LANCL1: variants seen among roughly 807,000 people sequenced by gnomAD.
The protein encoded by LANCL1 is glutathione S-transferase LANCL1.
In LANCL1, 50 loss-of-function variants were observed where a neutral mutation model predicts 50.6. The observed-to-expected ratio is 0.99, with a 90% CI of 0.79 to 1.25. The LOEUF (loss-of-function observed/expected upper bound fraction) is 1.25, where lower values mean the gene tolerates loss of function less well. LANCL1 is among the 50% of genes most tolerant of loss of function. The pLI, the probability that LANCL1 is intolerant of heterozygous loss-of-function variation, is 0.00. For missense variants in LANCL1, 532 were observed against 480.7 expected (o/e 1.11, Z -1.00); for synonymous variants, 188 against 178.6 (o/e 1.05, Z -0.42).
intron 6 of LANCL1, among the ~76,000 whole-genome samples, chr2:210,438,501 A>G (rs377705164): frequency 6.6e-6 from 1 of 152,224 alleles, no homozygotes; most frequent in Admixed American, 6.5e-5. Context: ...TCCTAAGTCA[A>G]TGCCTATGAA....
rs956523857 is a variant in LANCL1 at position 210,441,372 on chromosome 2, T to C, written c.479A>G (p.Tyr160Cys). ...EMLYGRIGYI[Y>C]ALLFVNKNFG... ...GTTCTTATTGACAAAAAGAAGAGCATAGATGTAGCCTATTCGCCCATAGAG... is the reference window on the plus strand; with the variant it reads ...GTTCTTATTGACAAAAAGAAGAGCACAGATGTAGCCTATTCGCCCATAGAG... The change falls in exon 5 of 10, where the codon TAT (tyrosine) becomes TGT (cysteine). Residue 160 changes from tyrosine to cysteine, a missense_variant. Physicochemically the swap from Tyr to Cys is radical, Grantham distance 194. Transcript: ENST00000450366. 13 of 1,613,172 alleles carry C rather than the reference T, an allele frequency of 8.1e-6. No homozygotes were observed. The highest frequency in any genetic ancestry group is 5.3e-5 in the African/African-American group (4 of 74,888).
intron 3 of LANCL1, among the ~76,000 whole-genome samples, chr2:210,458,884 G>T (rs1052062241): frequency 6.7e-6 from 1 of 150,120 alleles, no homozygotes; most frequent in Non-Finnish European, 1.5e-5. Flanking sequence ...GACAAAGAAT[G>T]ATGTAGGCAG....
intron 4 of LANCL1, among the ~76,000 whole-genome samples, chr2:210,451,652 T>A (rs1159057838): frequency 2.6e-5 from 4 of 152,116 alleles, no homozygotes; most frequent in South Asian, 4.1e-4. Context: ...GAGACTAAGG[T>A]TTAGAGTAAT....
At chr2:210,438,875 A>C (rs1693029518) in intron 6 of LANCL1, among the ~76,000 whole-genome samples, 1 of 152,172 alleles carries the variant, frequency 6.6e-6, no homozygotes, top group African/African-American at 2.4e-5. Context: ...AATGACTGCT[A>C]ATGTCTTTAA....
Position 210,434,376 on chromosome 2 carries a change from C to G in LANCL1, c.*111G>C, listed in dbSNP as rs1218576917. The G allele has an allele frequency of 7.0e-6, 5 of 717,810 alleles. No homozygotes were observed. The highest frequency in any genetic ancestry group is 9.3e-6 in the Non-Finnish European group (4 of 431,054). 44.5% of individuals were successfully genotyped at this position (717,810 alleles called of 1,614,324 possible). A position where few individuals can be genotyped will look rare whatever the true frequency, so the allele number is the denominator to read the frequency against. The stretch of plus-strand genomic sequence containing the variant: ...AAATTCTGAAAAAAGCTAACAAAAT[C>G]AAGTCCACAGTTTGACTCTTTGTTT... On this transcript the variant is annotated 3_prime_UTR_variant, in exon 10 of 10. Transcript: ENST00000450366.
rs577743967 is a variant in LANCL1, at chr2:210,451,183, C to T, written c.407+3924G>A. On this transcript the variant is annotated intron_variant, in intron 4 of 9. Transcript: ENST00000450366. Reference sequence around the variant, plus strand: ...GATGAGTTCATGTCCTTTGCAGGGACATGGATGAAGCTAAAAACCATCATT... The same window carrying T: ...GATGAGTTCATGTCCTTTGCAGGGATATGGATGAAGCTAAAAACCATCATT... 5.3e-5 allele frequency among the ~76,000 whole-genome samples: 8 copies of T among 152,262 alleles called. No individual in the cohort carries two copies. The East Asian group carries it at 1.2e-3, about 22-fold the overall frequency.
chr2:210,446,149 C>T lies in LANCL1; in HGVS notation c.408-4706G>A, dbSNP rs190937062. ...GTCTCCTCAAGTGAGTCCCTGCCCC[C>T]CTGTGCTTCCTGACTGGGAGACACC... On this transcript the variant is annotated intron_variant, in intron 4 of 9. Transcript: ENST00000450366. Among the ~76,000 whole-genome samples, 8 of 152,296 alleles carry T rather than the reference C, an allele frequency of 5.3e-5. No homozygotes were observed. In the South Asian group the frequency reaches 6.2e-4, roughly 12 times the overall value.
chr2:210,477,091 C>CG (rs1201551088), upstream of LANCL1, among the ~76,000 whole-genome samples: 3 of 144,732 alleles, frequency 2.1e-5, no homozygotes, highest in Non-Finnish European at 3.0e-5. Flanking sequence ...TAAAATTTGG[C>CG]GGGGGGTGGG....
Position 210,455,074 on chromosome 2 carries a change from T to C in LANCL1, c.407+33A>G, listed in dbSNP as rs188640023. 5.6e-4 allele frequency: 873 copies of C among 1,557,924 alleles called. 2 individuals are homozygous for C. In the African/African-American group the frequency reaches 0.011, roughly 19 times the overall value. On this transcript the variant is annotated intron_variant, in intron 4 of 9. Transcript: ENST00000450366. The stretch of plus-strand genomic sequence containing the variant: ...ATGCAGAATTAATGCATAATGATGC[T>C]AGAAAATAATCCTCATATAGAAACA...
chr2:210,451,278 A>T (rs1045180933), intron 4 of LANCL1, among the ~76,000 whole-genome samples: 3 of 152,038 alleles, frequency 2.0e-5, no homozygotes, highest in African/African-American at 7.2e-5. Context: ...AACAATGAGA[A>T]CACATGGACA....
At chr2:210,460,900 T>G (rs1693834664) in intron 3 of LANCL1, 1 of 152,204 alleles carries the variant, frequency 6.6e-6, no homozygotes, top group Non-Finnish European at 1.5e-5. Context: ...GATGTGTCTT[T>G]TCTTTTCTTC....
intron 5 of LANCL1, 66 bp downstream of exon 5, chr2:210,441,242 T>C (rs1693121032): frequency 6.7e-7 from 1 of 1,487,792 alleles, no homozygotes; most frequent in African/African-American, 1.4e-5. Context: ...ACATAAACAA[T>C]AGTTTAGGCA....
intron 3 of LANCL1, among the ~76,000 whole-genome samples, chr2:210,469,455 C>T (rs1158001338): frequency 1.3e-5 from 2 of 152,092 alleles, no homozygotes; most frequent in African/African-American, 2.4e-5. Context: ...TAACAGTGTT[C>T]GATTAGGAGA....
At chr2:210,477,026 G>T (rs951707087), upstream of LANCL1, among the ~76,000 whole-genome samples, 3 of 150,782 alleles carry the variant, frequency 2.0e-5, no homozygotes, top group African/African-American at 7.3e-5. Flanking sequence ...ACCTGGAGAA[G>T]AAACAGACTG....
chr2:210,476,204 G>C (rs537098494), intron 2 of LANCL1, 112 bp downstream of exon 2: 24 of 596,114 alleles, frequency 4.0e-5, no homozygotes, highest in Non-Finnish European at 6.9e-5. Flanking sequence ...ATTTATCGTC[G>C]AATCATGTAT....
At chr2:210,458,600 T>C (rs1693738499) in intron 3 of LANCL1, among the ~76,000 whole-genome samples, 1 of 152,080 alleles carries the variant, frequency 6.6e-6, no homozygotes, top group East Asian at 1.9e-4. Context: ...GATACCTGTC[T>C]AGAAAGTAAA....
chr2:210,437,672 C>A lies in LANCL1; in HGVS notation c.873+18G>T. 18 of 1,415,682 alleles carry A rather than the reference C, an allele frequency of 1.3e-5. No individual in the cohort carries two copies. The highest frequency in any genetic ancestry group is 3.6e-5 in the South Asian group (2 of 55,662). 87.7% of individuals were successfully genotyped at this position (1,415,682 alleles called of 1,614,324 possible). A position where few individuals can be genotyped will look rare whatever the true frequency, so the allele number is the denominator to read the frequency against. ...TTTGGTTATTTAAAAAAATTTATTTCAAAAATACACACAGTACCTTATAGG... is the reference window on the plus strand; with the variant it reads ...TTTGGTTATTTAAAAAAATTTATTTAAAAAATACACACAGTACCTTATAGG... On this transcript the variant is annotated intron_variant, in intron 7 of 9. Coordinates refer to ENST00000450366, the MANE Select transcript of LANCL1 (RefSeq NM_006055.3).
intron 5 of LANCL1, 149 bp downstream of exon 5, chr2:210,441,159 G>T: frequency 1.4e-6 from 1 of 735,216 alleles, no homozygotes; most frequent in Non-Finnish European, 2.2e-6. Context: ...GAAAGCTATT[G>T]GTTCTTGGAC....
intron 3 of LANCL1, among the ~76,000 whole-genome samples, chr2:210,469,764 T>C (rs1694169060): frequency 6.6e-6 from 1 of 152,180 alleles, no homozygotes; most frequent in Non-Finnish European, 1.5e-5. Context: ...GTTTTTAACT[T>C]TTGGGTTCTC....
Sources: gnomAD v4.1 joint callset for allele counts (sites outside exome capture counted in the v4.1 genomes callset) on GRCh38, gnomAD v4.1.1 for gene constraint, MANE v1.5 for transcripts, NCBI Gene and HGNC (gene_info 2026-07-23, HGNC 2026-07-21) for gene names.